Variants in EXOC4 observed in about 807,000 individuals in gnomAD.
EXOC4 encodes the protein exocyst complex component 4.
EXOC4 carries 71 observed loss-of-function variants against 107.2 expected under a neutral mutation model. That is an observed-to-expected ratio of 0.66 (90% CI 0.55 to 0.81). The LOEUF (loss-of-function observed/expected upper bound fraction) is 0.81. EXOC4 is among the 30% of genes least tolerant of loss of function. The pLI is 0.00. For missense variants in EXOC4, 1,108 were observed against 1,189.6 expected (o/e 0.93, Z 1.01); for synonymous variants, 456 against 441.2 (o/e 1.03, Z -0.42).
At chr7:133,578,157 C>T (rs1801173795) in intron 9 of EXOC4, among the ~76,000 whole-genome samples, 1 of 152,142 alleles carries the variant, frequency 6.6e-6, no homozygotes, top group Non-Finnish European at 1.5e-5. Flanking sequence ...CATTGCTTTT[C>T]AGGAAGAGGA....
At chr7:133,269,503 G>C (rs1339184714) in intron 1 of EXOC4, among the ~76,000 whole-genome samples, 1 of 152,184 alleles carries the variant, frequency 6.6e-6, no homozygotes, top group African/African-American at 2.4e-5. Context: ...AATAACCACT[G>C]TATTGCCTGG....
intron 7 of EXOC4, among the ~76,000 whole-genome samples, chr7:133,430,286 T>A (rs547292278): frequency 7.2e-4 from 110 of 152,138 alleles, no homozygotes; most frequent in African/African-American, 2.6e-3. Flanking sequence ...GCCAATGGAG[T>A]TTGGGGTTTT....
the EXOC4 span, among the ~76,000 whole-genome samples, chr7:134,099,306 C>T: frequency 6.6e-6 from 1 of 151,964 alleles, no homozygotes. Context: ...CCGCCTCATG[C>T]TTTGTCCCTG....
the EXOC4 span, among the ~76,000 whole-genome samples, chr7:134,098,699 G>A: frequency 8.5e-5 from 13 of 152,160 alleles, no homozygotes; most frequent in Non-Finnish European, 1.3e-4. Flanking sequence ...TGTCATGGCA[G>A]GGACACATCA....
At chr7:133,352,026 TTTAG>T (rs1452209602) in intron 5 of EXOC4, among the ~76,000 whole-genome samples, 2 of 152,080 alleles carry the variant, frequency 1.3e-5, no homozygotes, top group African/African-American at 4.8e-5. Context: ...TTTATCCCTA[TTTAG>T]TTAGAGAAGA....
At chr7:133,612,939 G>A (rs990108006) in intron 9 of EXOC4, among the ~76,000 whole-genome samples, 1 of 152,138 alleles carries the variant, frequency 6.6e-6, no homozygotes, top group Non-Finnish European at 1.5e-5. Context: ...CTTTTTGGAT[G>A]TGTAGTTGGC....
chr7:133,732,075 A>G (rs967391819), intron 10 of EXOC4, among the ~76,000 whole-genome samples: 1 of 152,246 alleles, frequency 6.6e-6, no homozygotes, highest in Admixed American at 6.5e-5. Flanking sequence ...GACAAAGACA[A>G]TGTGGTACAT....
chr7:133,748,424 C>G (rs1795721874), intron 10 of EXOC4, among the ~76,000 whole-genome samples: 1 of 151,996 alleles, frequency 6.6e-6, no homozygotes, highest in South Asian at 2.1e-4. Context: ...TCAATGAGCC[C>G]CAGGGATGAG....
At position 133,515,332 on chromosome 7, in the gene EXOC4, TAC is replaced by T. The variant is rs143017406; in HGVS notation, c.1417+35215_1417+35216del. On this transcript the variant is annotated intron_variant, in intron 9 of 17. Transcript: ENST00000253861. Reference sequence around the variant, plus strand: ...CTCCAATCAGTAGCCCAAGTGTGCATACACACACACACACACACACACGTATA... The same window carrying T: ...CTCCAATCAGTAGCCCAAGTGTGCATACACACACACACACACACACGTATA... Among the ~76,000 whole-genome samples, 395 of 149,956 alleles carry T rather than the reference TAC, an allele frequency of 2.6e-3. 2 individuals are homozygous for T. Among genetic ancestry groups the T allele is most frequent in the African/African-American group, 7.9e-3 (322 of 40,828 alleles).
chr7:133,825,231 A>G (rs1378792850), intron 11 of EXOC4, among the ~76,000 whole-genome samples: 1 of 151,830 alleles, frequency 6.6e-6, no homozygotes, highest in African/African-American at 2.4e-5. Flanking sequence ...TTCATGATGT[A>G]TGCCTGTAGT....
the EXOC4 span, among the ~76,000 whole-genome samples, chr7:134,096,560 C>T: frequency 6.6e-6 from 1 of 152,148 alleles, no homozygotes; most frequent in Non-Finnish European, 1.5e-5. Flanking sequence ...GAAGCCAGTC[C>T]ATTCCAAAAC....
chr7:134,080,583 G>A, the EXOC4 span, among the ~76,000 whole-genome samples: 6 of 151,976 alleles, frequency 3.9e-5, no homozygotes, highest in East Asian at 3.9e-4. Context: ...GGAGAATGAC[G>A]GTAGTGGCTT....
intron 10 of EXOC4, among the ~76,000 whole-genome samples, chr7:133,811,086 A>G (rs1159927315): frequency 6.6e-6 from 1 of 152,134 alleles, no homozygotes; most frequent in African/African-American, 2.4e-5. Context: ...CCCATACAGC[A>G]TTATGTATAC....
chr7:133,609,541 A>T (rs1477836276), intron 9 of EXOC4, among the ~76,000 whole-genome samples: 1 of 152,222 alleles, frequency 6.6e-6, no homozygotes, highest in Non-Finnish European at 1.5e-5. Flanking sequence ...TTAAAGGAGG[A>T]ATATTTTCCA....
intron 9 of EXOC4, among the ~76,000 whole-genome samples, chr7:133,514,184 G>A (rs956728423): frequency 1.3e-5 from 2 of 150,008 alleles, no homozygotes; most frequent in Non-Finnish European, 3.0e-5. Flanking sequence ...TTTCTTTTGA[G>A]ACAGGAGTCT....
At chr7:133,951,675 T>C (rs1356215585) in intron 14 of EXOC4, among the ~76,000 whole-genome samples, 2 of 152,222 alleles carry the variant, frequency 1.3e-5, no homozygotes, top group Non-Finnish European at 2.9e-5. Context: ...GTATTGCATT[T>C]GAAATTAGAT....
At chr7:133,976,000 A>T (rs1793824349) in intron 14 of EXOC4, among the ~76,000 whole-genome samples, 1 of 152,190 alleles carries the variant, frequency 6.6e-6, no homozygotes, top group Non-Finnish European at 1.5e-5. Flanking sequence ...GTAGAAGAAG[A>T]TGTATTTTAA....
chr7:133,465,617 C>T (rs1041546123), intron 7 of EXOC4, among the ~76,000 whole-genome samples: 1 of 152,138 alleles, frequency 6.6e-6, no homozygotes, highest in Non-Finnish European at 1.5e-5. Context: ...AGAATATTCT[C>T]CATGTGAGTC....
At chr7:133,289,820 A>G (rs1416091611) in intron 3 of EXOC4, among the ~76,000 whole-genome samples, 1 of 152,144 alleles carries the variant, frequency 6.6e-6, no homozygotes, top group African/African-American at 2.4e-5. Context: ...TTACCCACCC[A>G]GTCCCACTTC....
Sources: allele counts gnomAD v4.1 joint callset (sites outside exome capture counted in the v4.1 genomes callset), GRCh38; gene constraint gnomAD v4.1.1; transcripts MANE v1.5; gene names NCBI Gene and HGNC (gene_info 2026-07-23, HGNC 2026-07-21).